GALNT13: variants seen among roughly 807,000 people sequenced by gnomAD.
GALNT13 encodes the protein polypeptide N-acetylgalactosaminyltransferase 13, also known as UDP-GalNAc:polypeptide N-acetylgalactosaminyltransferase 13.
Under a neutral mutation model 64.2 loss-of-function variants are expected in GALNT13, and 28 were observed. The ratio of observed to expected loss-of-function variants is 0.44; its 90% CI spans 0.32 to 0.60. The LOEUF (loss-of-function observed/expected upper bound fraction) is 0.60, where lower values mean the gene tolerates loss of function less well. Among genes scored for constraint, GALNT13 ranks in the 20% least tolerant of loss-of-function variants. GALNT13 has a pLI of 0.05. For missense variants in GALNT13, 577 were observed against 669.8 expected (o/e 0.86, Z 1.53); for synonymous variants, 214 against 224.6 (o/e 0.95, Z 0.42).
chr2:153,416,298 C>T, the GALNT13 span, among the ~76,000 whole-genome samples: 1 of 152,178 alleles, frequency 6.6e-6, no homozygotes, highest in Admixed American at 6.5e-5. Context: ...CTCTTCCAGA[C>T]ACACTGGAAT....
chr2:153,701,505 A>C, the GALNT13 span, among the ~76,000 whole-genome samples: 1 of 152,240 alleles, frequency 6.6e-6, no homozygotes, highest in South Asian at 2.1e-4. Context: ...GGATCTAAAT[A>C]AACTAAAGAG....
At chr2:153,392,198 C>T in the GALNT13 span, among the ~76,000 whole-genome samples, 1 of 150,872 alleles carries the variant, frequency 6.6e-6, no homozygotes, top group Non-Finnish European at 1.5e-5. Flanking sequence ...ACAGTACTTT[C>T]TGTAAATTTC....
chr2:154,160,614 AC>A (rs1684675384), intron 4 of GALNT13, among the ~76,000 whole-genome samples: 1 of 152,050 alleles, frequency 6.6e-6, no homozygotes, highest in African/African-American at 2.4e-5. Flanking sequence ...TTCTGTCATA[AC>A]CCAAGGCATT....
the GALNT13 span, among the ~76,000 whole-genome samples, chr2:153,696,873 A>T: frequency 6.6e-6 from 1 of 150,964 alleles, no homozygotes; most frequent in East Asian, 2.0e-4. Context: ...ATGGGTTGTA[A>T]ATGTGAGATC....
intron 8 of GALNT13, among the ~76,000 whole-genome samples, chr2:154,274,169 T>G (rs1249148671): frequency 2.0e-5 from 3 of 152,164 alleles, no homozygotes; most frequent in Admixed American, 2.0e-4. Context: ...GGTTCTTGAT[T>G]TCTTTCACTG....
chr2:153,902,814 A>G (rs1296915484), intron 2 of GALNT13, among the ~76,000 whole-genome samples: 1 of 152,102 alleles, frequency 6.6e-6, no homozygotes, highest in Non-Finnish European at 1.5e-5. Context: ...GGAAACTGAG[A>G]GAGGCATCAT....
the GALNT13 span, among the ~76,000 whole-genome samples, chr2:153,353,102 C>T: frequency 5.3e-5 from 8 of 152,166 alleles, no homozygotes; most frequent in Admixed American, 3.9e-4. Flanking sequence ...TGGAATATCT[C>T]TCCATTTATT....
At chr2:153,815,841 A>G in the GALNT13 span, among the ~76,000 whole-genome samples, 1 of 152,220 alleles carries the variant, frequency 6.6e-6, no homozygotes, top group African/African-American at 2.4e-5. Context: ...TTTTGTATTA[A>G]GAAAAGTCTT....
intron 10 of GALNT13, among the ~76,000 whole-genome samples, chr2:154,405,580 C>G (rs1447824758): frequency 2.0e-5 from 2 of 101,368 alleles, no homozygotes; most frequent in African/African-American, 3.4e-5. Context: ...AACCCCATCT[C>G]TTCTAAAAAA....
At chr2:154,215,924 G>T (rs938066732) in intron 4 of GALNT13, among the ~76,000 whole-genome samples, 2 of 151,632 alleles carry the variant, frequency 1.3e-5, no homozygotes, top group African/African-American at 4.8e-5. Flanking sequence ...TCAAGTTTTA[G>T]GGAAAACGAA....
chr2:153,069,230 T>C, the GALNT13 span, among the ~76,000 whole-genome samples: 1 of 152,170 alleles, frequency 6.6e-6, no homozygotes, highest in Non-Finnish European at 1.5e-5. Context: ...ACTGCTGCAT[T>C]TTTCCTTCTA....
chr2:153,631,044 A>G, the GALNT13 span, among the ~76,000 whole-genome samples: 3 of 151,266 alleles, frequency 2.0e-5, no homozygotes, highest in Non-Finnish European at 4.4e-5. Context: ...CCCATCTATG[A>G]GTGAGAATAT....
intron 11 of GALNT13, among the ~76,000 whole-genome samples, chr2:154,427,564 T>C (rs1304273307): frequency 6.6e-6 from 1 of 152,196 alleles, no homozygotes; most frequent in East Asian, 1.9e-4. Flanking sequence ...ATTGTTATAT[T>C]GAGGTGAAAG....
At chr2:154,121,092 A>G (rs1022673707) in intron 3 of GALNT13, among the ~76,000 whole-genome samples, 29 of 152,178 alleles carry the variant, frequency 1.9e-4, no homozygotes, top group African/African-American at 7.0e-4. Context: ...TATTGTGCCG[A>G]CTTGGGGAAG....
chr2:154,054,657 T>A (rs1395066808), intron 3 of GALNT13, among the ~76,000 whole-genome samples: 3 of 152,028 alleles, frequency 2.0e-5, no homozygotes, highest in African/African-American at 7.2e-5. Context: ...TCCTTCTTTT[T>A]TAATGACTCC....
At chr2:153,201,074 G>T in the GALNT13 span, among the ~76,000 whole-genome samples, 26,445 of 152,056 alleles carry the variant, frequency 0.17, 2,376 homozygotes, top group Non-Finnish European at 0.19. Flanking sequence ...TAATTTCCCC[G>T]GAAATTCCCC....
intron 4 of GALNT13, among the ~76,000 whole-genome samples, chr2:154,227,166 C>T (rs1223802008): frequency 2.6e-5 from 4 of 151,984 alleles, no homozygotes; most frequent in Non-Finnish European, 5.9e-5. Context: ...GTGTACTGCA[C>T]AAAGACACCA....
chr2:154,200,221 T>C (rs1214355045), intron 4 of GALNT13, among the ~76,000 whole-genome samples: 7 of 152,058 alleles, frequency 4.6e-5, no homozygotes, highest in African/African-American at 1.7e-4. Flanking sequence ...CTAAGTGTGA[T>C]TGTCATTTAA....
intron 3 of GALNT13, among the ~76,000 whole-genome samples, chr2:154,046,854 A>G (rs1005536539): frequency 6.6e-6 from 1 of 152,096 alleles, no homozygotes. Context: ...AAGAAACCAA[A>G]CCTGCTGACA....
Sources: allele counts gnomAD v4.1 joint callset (sites outside exome capture counted in the v4.1 genomes callset), GRCh38; gene constraint gnomAD v4.1.1; transcripts MANE v1.5; gene names NCBI Gene and HGNC (gene_info 2026-07-23, HGNC 2026-07-21).